SEPTIN9: variants seen among roughly 807,000 people sequenced by gnomAD.
The protein encoded by SEPTIN9 is septin 9.
SEPTIN9 carries 13 observed loss-of-function variants against 56.6 expected under a neutral mutation model. The ratio of observed to expected loss-of-function variants is 0.23; its 90% confidence interval spans 0.15 to 0.37. SEPTIN9 has a LOEUF of 0.37. SEPTIN9 is among the 10% of genes least tolerant of loss of function. The probability of loss-of-function intolerance (pLI) is 1.00; values close to 1 mark genes in which losing one functional copy is unlikely to be tolerated. For missense variants in SEPTIN9, 650 were observed against 823.1 expected, an observed-to-expected ratio of 0.79 and a Z score of 2.57; for synonymous variants, 332 against 334.1, an observed-to-expected ratio of 0.99 and a Z score of 0.07.
chr17:77,358,588 G>A (rs553016977), intron 2 of SEPTIN9, among the ~76,000 whole-genome samples: 1 of 152,122 alleles, frequency 6.6e-6, no homozygotes, highest in East Asian at 1.9e-4. Flanking sequence ...GCAGTGAGCC[G>A]AGATCGCACC....
chr17:77,339,330 A>C (rs564843579), intron 2 of SEPTIN9, among the ~76,000 whole-genome samples: 20 of 152,236 alleles, frequency 1.3e-4, no homozygotes, highest in Non-Finnish European at 2.6e-4. Context: ...CTTAAATAAT[A>C]AGACTTGAAA....
rs572324237 is a variant in SEPTIN9, at chr17:77,450,182, G to C, written c.722-31962G>C. 6.6e-6 allele frequency among the ~76,000 whole-genome samples: 1 copy of C among 152,146 alleles called. No individual in the cohort carries two copies. Among genetic ancestry groups the C allele is most frequent in the Non-Finnish European group, 1.5e-5 (1 of 68,020 alleles). On this transcript the variant is annotated intron_variant, in intron 3 of 11. Transcript: ENST00000427177. This position sits in a 1 kb window ranked among gnomAD's most constrained non-coding sequence, Gnocchi z 6.0. Reference sequence around the variant, plus strand: ...TTGGCCATGAGGAGTGGGAAGCGACGGGTCAGATGCCAGTGACTGCTGGCT... The same window carrying C: ...TTGGCCATGAGGAGTGGGAAGCGACCGGTCAGATGCCAGTGACTGCTGGCT...
At chr17:77,459,231 C>T (rs1346019217) in intron 3 of SEPTIN9, among the ~76,000 whole-genome samples, 2 of 152,234 alleles carry the variant, frequency 1.3e-5, no homozygotes, top group Non-Finnish European at 2.9e-5. Flanking sequence ...ACCATTCTGG[C>T]TGCCTCCTGG....
At chr17:77,354,812 T>C (rs2034172615) in intron 2 of SEPTIN9, among the ~76,000 whole-genome samples, 1 of 151,992 alleles carries the variant, frequency 6.6e-6, no homozygotes, top group East Asian at 1.9e-4. Flanking sequence ...TTGTTGCACT[T>C]TGCGTCCTTG....
chr17:77,398,735 T>C (rs1190444296), intron 2 of SEPTIN9, among the ~76,000 whole-genome samples: 1 of 152,202 alleles, frequency 6.6e-6, no homozygotes, highest in Non-Finnish European at 1.5e-5. Context: ...TTCTGGAGGC[T>C]GTGAGATCTC....
chr17:77,354,971 G>C (rs532379444), intron 2 of SEPTIN9, among the ~76,000 whole-genome samples: 8 of 152,188 alleles, frequency 5.3e-5, no homozygotes, highest in African/African-American at 1.7e-4. Flanking sequence ...CCAATAATTG[G>C]CTGAGCCAGG....
rs35634675 is a variant in SEPTIN9, at chr17:77,453,605, CA to C, written c.722-28522del. Among the ~76,000 whole-genome samples, 3,279 of 81,066 alleles carry C rather than the reference CA, an allele frequency of 0.04. 39 individuals are homozygous for C. The highest frequency in any genetic ancestry group is 0.11 in the South Asian group (301 of 2,692). 53.2% of individuals were successfully genotyped at this position (81,066 alleles called of 152,430 possible). On this transcript the variant is annotated intron_variant, in intron 3 of 11. Transcript: ENST00000427177. The surrounding 1 kb of genome is among the most constrained non-coding windows in gnomAD (Gnocchi z 4.4). ...GGGCAACAAGAGTGAAACTCTGTCTCAAAAAAAAAAAAAAAAAGCCTTATCT... is the reference window on the plus strand; with the variant it reads ...GGGCAACAAGAGTGAAACTCTGTCTCAAAAAAAAAAAAAAAAGCCTTATCT...
At chr17:77,387,469 A>G (rs560450257) in intron 2 of SEPTIN9, among the ~76,000 whole-genome samples, 2 of 152,238 alleles carry the variant, frequency 1.3e-5, no homozygotes, top group Non-Finnish European at 2.9e-5. Context: ...GGGCTCTGGC[A>G]TGTCTTTTGG....
chr17:77,288,039 G>T, intron 1 of SEPTIN9: 1 of 1,062,550 alleles, frequency 9.4e-7, no homozygotes, highest in Non-Finnish European at 1.1e-6. Context: ...CCCTGAGTGT[G>T]TGGGTCCCCA....
chr17:77,474,256 G>A (rs2039121118), intron 3 of SEPTIN9, among the ~76,000 whole-genome samples: 1 of 152,218 alleles, frequency 6.6e-6, no homozygotes, highest in Non-Finnish European at 1.5e-5. Context: ...TATTTTGGCT[G>A]TGGGACCCCT....
chr17:77,472,044 G>A (rs2039019965), intron 3 of SEPTIN9, among the ~76,000 whole-genome samples: 1 of 152,188 alleles, frequency 6.6e-6, no homozygotes, highest in African/African-American at 2.4e-5. Context: ...TCTGAGAGTG[G>A]CTCTTTAGGA....
In SEPTIN9 at chr17:77,376,303, G is replaced by A. The variant is rs924839914; in HGVS notation, c.77-25756G>A. The A allele has an allele frequency of 1.4e-5, 14 of 985,904 alleles. No individual in the cohort carries two copies. The South Asian group carries it at 6.1e-4, about 43-fold the overall frequency. 61.1% of individuals were successfully genotyped at this position (985,904 alleles called of 1,614,324 possible). On this transcript the variant is annotated intron_variant, in intron 2 of 11. Transcript: ENST00000427177. ...CGGGAGTGCAGCTGGTCCACGGGAA[G>A]CATCTGGAGTGGCTGGGAATGGGCG...
chr17:77,442,107 G>A lies in SEPTIN9; in HGVS notation c.721+39404G>A, dbSNP rs182691708. The A allele has an allele frequency of 1.6e-4, 24 of 152,324 alleles. 1 individual carries two copies. The highest frequency in any genetic ancestry group is 3.4e-3 in the Middle Eastern group (1 of 294). 9.4% of individuals were successfully genotyped at this position (152,324 alleles called of 1,614,324 possible). The stretch of plus-strand genomic sequence containing the variant: ...AAAGAGCAGGTAGAAGGTGGGGCCC[G>A]TGACTGGTCCGAAGGTAGTGAGTTA... On this transcript the variant is annotated intron_variant, in intron 3 of 11. Coordinates refer to ENST00000427177, the MANE Select transcript of SEPTIN9 (RefSeq NM_001113491.2).
Position 77,488,314 on chromosome 17 carries a change from G to C in SEPTIN9, c.1117G>C (p.Glu373Gln). The C allele has an allele frequency of 1.2e-6, 2 of 1,613,190 alleles. No homozygotes were observed. The highest frequency in any genetic ancestry group is 1.7e-6 in the Non-Finnish European group (2 of 1,179,452). ...AGGGTTCGGGGACCACATCAACAAC[G>C]AGAACTGGTGAGGCCCCTCCAGGGG... ...TPGFGDHINN[E>Q]NCWQPIMKFI... is the part of the protein sequence containing the mutation. Residue 373 changes from glutamate to glutamine, a missense_variant, in exon 6 of 12, where the codon GAG becomes CAG. Glu to Gln is a conservative substitution (Grantham distance 29). This residue lies in a region of SEPTIN9 where 333 missense variants were observed against 494.0 expected (regional missense o/e 0.67). Transcript: ENST00000427177.
chr17:77,299,258 A>G (rs1046117034), intron 1 of SEPTIN9, among the ~76,000 whole-genome samples: 1 of 152,214 alleles, frequency 6.6e-6, no homozygotes, highest in Non-Finnish European at 1.5e-5. Context: ...TCAGCTAAGA[A>G]TTTAAAAAAG....
intron 2 of SEPTIN9, among the ~76,000 whole-genome samples, chr17:77,315,648 G>C (rs58760600): frequency 6.6e-6 from 1 of 152,356 alleles, no homozygotes; most frequent in African/African-American, 2.4e-5. Context: ...TTGAGTGAGT[G>C]TGACACTTCC....
intron 3 of SEPTIN9, among the ~76,000 whole-genome samples, chr17:77,462,723 C>G (rs751308617): frequency 6.6e-6 from 1 of 152,078 alleles, no homozygotes; most frequent in Non-Finnish European, 1.5e-5. Flanking sequence ...CTCACTGCAA[C>G]CTCTGTCTCC....
At chr17:77,359,905 C>T (rs1422893153) in intron 2 of SEPTIN9, among the ~76,000 whole-genome samples, 1 of 152,126 alleles carries the variant, frequency 6.6e-6, no homozygotes, top group Non-Finnish European at 1.5e-5. Flanking sequence ...TGGCTCATGC[C>T]TGTAATCCTG....
chr17:77,357,320 A>T (rs1225156036), intron 2 of SEPTIN9, among the ~76,000 whole-genome samples: 1 of 152,134 alleles, frequency 6.6e-6, no homozygotes, highest in African/African-American at 2.4e-5. Flanking sequence ...CTCCTGCTGC[A>T]ACAGCTACAG....
Sources: gnomAD v4.1 joint callset for allele counts (sites outside exome capture counted in the v4.1 genomes callset) on GRCh38, gnomAD v4.1.1 for gene constraint, gnomAD v4.1.1 regional missense constraint, Gnocchi (gnomAD v3.1) non-coding constraint, MANE v1.5 for transcripts, NCBI Gene and HGNC (gene_info 2026-07-23, HGNC 2026-07-21) for gene names.